The following NRG3 variants were observed in gnomAD, a reference collection of about 807,000 sequenced individuals.
NRG3 encodes the protein neuregulin 3.
NRG3 carries 31 observed loss-of-function variants against 66.9 expected under a neutral mutation model. The observed-to-expected ratio is 0.46, with a 90% CI of 0.35 to 0.63. NRG3 has a LOEUF of 0.63. Among genes scored for constraint, NRG3 ranks in the 20% least tolerant of loss-of-function variants. The pLI is 0.00. For missense variants in NRG3, 910 were observed against 878.9 expected (o/e 1.04, Z -0.45); for synonymous variants, 393 against 359.4 (o/e 1.09, Z -1.06).
At chr10:82,227,641 T>G (rs2076234364) in intron 1 of NRG3, among the ~76,000 whole-genome samples, 1 of 152,170 alleles carries the variant, frequency 6.6e-6, no homozygotes, top group African/African-American at 2.4e-5. Flanking sequence ...ACTCTGGGAA[T>G]GATTTTTATA....
At chr10:82,774,642 A>T (rs1168307694) in intron 3 of NRG3, among the ~76,000 whole-genome samples, 1 of 150,766 alleles carries the variant, frequency 6.6e-6, no homozygotes, top group East Asian at 2.0e-4. Flanking sequence ...TTTCTATTTT[A>T]TGTACTTGAG....
chr10:81,963,354 C>T (rs1286482258), intron 1 of NRG3, among the ~76,000 whole-genome samples: 4 of 150,182 alleles, frequency 2.7e-5, no homozygotes, highest in East Asian at 2.0e-4. Flanking sequence ...GGGATGGTCT[C>T]GATCTCCTGA....
At chr10:82,984,342 A>G (rs1486035892) in intron 8 of NRG3, among the ~76,000 whole-genome samples, 1 of 152,204 alleles carries the variant, frequency 6.6e-6, no homozygotes, top group Non-Finnish European at 1.5e-5. Context: ...AGCCCTTGCC[A>G]TGGACCAAAG....
At chr10:82,483,233 C>G (rs1270472077) in intron 2 of NRG3, among the ~76,000 whole-genome samples, 1 of 152,178 alleles carries the variant, frequency 6.6e-6, no homozygotes, top group East Asian at 1.9e-4. Context: ...GGGACTAACA[C>G]AATGATGATG....
chr10:82,163,413 G>A (rs969916552), intron 1 of NRG3, among the ~76,000 whole-genome samples: 6 of 152,106 alleles, frequency 3.9e-5, no homozygotes, highest in Non-Finnish European at 5.9e-5. Context: ...ATGGTGAGAA[G>A]CACAAAGAAG....
intron 1 of NRG3, among the ~76,000 whole-genome samples, chr10:82,145,049 C>T (rs575628688): frequency 2.0e-5 from 3 of 152,304 alleles, no homozygotes; most frequent in South Asian, 4.1e-4. Flanking sequence ...AAGGGATATA[C>T]ATGTATCTCT....
At chr10:81,917,889 A>G (rs1845860600) in intron 1 of NRG3, among the ~76,000 whole-genome samples, 1 of 152,224 alleles carries the variant, frequency 6.6e-6, no homozygotes, top group East Asian at 1.9e-4. Flanking sequence ...AGTACTTTTC[A>G]GGAGACATGG....
intron 1 of NRG3, among the ~76,000 whole-genome samples, chr10:82,032,366 C>T (rs560464540): frequency 3.2e-4 from 47 of 148,522 alleles, no homozygotes; most frequent in African/African-American, 1.1e-3. Context: ...AGTTTTTTCC[C>T]TCTCAGGCCT....
In NRG3 at chr10:82,417,700, A is replaced by C. The variant is rs147445750; in HGVS notation, c.953+58832A>C. Among the ~76,000 whole-genome samples, 720 of 152,298 alleles carry C rather than the reference A, an allele frequency of 4.7e-3. 21 individuals carry two copies. Among genetic ancestry groups the C allele is most frequent in the Non-Finnish European group, 1.1e-3 (75 of 68,014 alleles). ...ACTCCCAGAATGTTCACAGTCAGCG[A>C]AATGGTGGATTCTGAATACAAATGA... is the stretch of plus-strand genomic sequence containing the variant. On this transcript the variant is annotated intron_variant, in intron 2 of 8. Transcript: ENST00000372141.
chr10:82,871,822 A>T (rs1344459152), intron 4 of NRG3, among the ~76,000 whole-genome samples: 1 of 151,994 alleles, frequency 6.6e-6, no homozygotes, highest in Admixed American at 6.6e-5. Context: ...TTTAATTTTT[A>T]ATTTTTGTTA....
intron 1 of NRG3, among the ~76,000 whole-genome samples, chr10:82,005,601 G>A (rs1489157765): frequency 6.6e-6 from 1 of 152,110 alleles, no homozygotes; most frequent in Non-Finnish European, 1.5e-5. Context: ...AACACCTGAA[G>A]TGAATGATAC....
At chr10:82,805,119 A>G (rs2061222648) in intron 3 of NRG3, among the ~76,000 whole-genome samples, 1 of 152,196 alleles carries the variant, frequency 6.6e-6, no homozygotes, top group African/African-American at 2.4e-5. Context: ...TTGTTTCACA[A>G]GGTTGGGGAA....
chr10:82,984,848 A>T (rs1408067825), intron 8 of NRG3: 1 of 1,507,658 alleles, frequency 6.6e-7, no homozygotes, highest in Non-Finnish European at 9.1e-7. Context: ...AGACCCCTGG[A>T]CTTAAAGTAA....
chr10:81,937,457 G>A (rs1269532702), intron 1 of NRG3, among the ~76,000 whole-genome samples: 1 of 151,758 alleles, frequency 6.6e-6, no homozygotes, highest in Admixed American at 6.6e-5. Context: ...TTTTAATAAT[G>A]GCCATGATAT....
At chr10:82,711,226 G>T (rs1192596857) in intron 2 of NRG3, among the ~76,000 whole-genome samples, 3 of 152,028 alleles carry the variant, frequency 2.0e-5, no homozygotes, top group Non-Finnish European at 4.4e-5. Context: ...CTACAAGTGT[G>T]TGCAACCATG....
intron 1 of NRG3, among the ~76,000 whole-genome samples, chr10:82,087,267 A>G (rs1475647251): frequency 6.6e-6 from 1 of 151,994 alleles, no homozygotes; most frequent in Non-Finnish European, 1.5e-5. Flanking sequence ...GTTCTCAGAG[A>G]CACTGTTTTG....
At chr10:82,784,633 T>G (rs1254377547) in intron 3 of NRG3, among the ~76,000 whole-genome samples, 1 of 151,878 alleles carries the variant, frequency 6.6e-6, no homozygotes, top group Non-Finnish European at 1.5e-5. Flanking sequence ...ATCAGAGAAA[T>G]GCAAATCAAA....
intron 2 of NRG3, among the ~76,000 whole-genome samples, chr10:82,377,861 A>T (rs1207589536): frequency 6.6e-6 from 1 of 152,062 alleles, no homozygotes; most frequent in African/African-American, 2.4e-5. Flanking sequence ...TTGGATTGGG[A>T]TTTTTGGAGG....
At chr10:82,310,176 A>G (rs1282344687) in intron 1 of NRG3, among the ~76,000 whole-genome samples, 8 of 152,148 alleles carry the variant, frequency 5.3e-5, no homozygotes, top group African/African-American at 1.4e-4. Flanking sequence ...TGTAAGCGCG[A>G]CATTGCTGCA....
Sources: allele counts gnomAD v4.1 joint callset (sites outside exome capture counted in the v4.1 genomes callset), GRCh38; gene constraint gnomAD v4.1.1; transcripts MANE v1.5; gene names NCBI Gene and HGNC (gene_info 2026-07-23, HGNC 2026-07-21).